Variants in ZNF385B observed in about 807,000 individuals in gnomAD.
ZNF385B encodes the protein zinc finger protein 385B.
ZNF385B carries 23 observed loss-of-function variants against 39.2 expected under a neutral mutation model. The ratio of observed to expected loss-of-function variants is 0.59; its 90% CI spans 0.42 to 0.83. The LOEUF is 0.83. Ranked by LOEUF, ZNF385B falls within the 40% of genes least tolerant of loss-of-function variation. The pLI, the probability that ZNF385B is intolerant of heterozygous loss-of-function variation, is 0.00. For synonymous variants in ZNF385B, 205 were observed against 222.6 expected (o/e 0.92, Z 0.70); for missense variants, 552 against 598.9 (o/e 0.92, Z 0.82).
chr2:179,524,608 A>C (rs2058766084), intron 4 of ZNF385B, among the ~76,000 whole-genome samples: 1 of 148,162 alleles, frequency 6.7e-6, no homozygotes. Context: ...TCAGCCATCG[A>C]GCAAATATTT....
At chr2:179,728,181 A>G (rs1480041830) in intron 3 of ZNF385B, among the ~76,000 whole-genome samples, 5 of 152,146 alleles carry the variant, frequency 3.3e-5, no homozygotes, top group African/African-American at 1.2e-4. Context: ...AATAATCTCC[A>G]TATAATCCTT....
chr2:179,751,830 T>C (rs1452005897), intron 3 of ZNF385B, among the ~76,000 whole-genome samples: 1 of 152,054 alleles, frequency 6.6e-6, no homozygotes, highest in East Asian at 1.9e-4. Context: ...AATACCCAGG[T>C]TTTATTACCC....
At chr2:179,659,786 T>G (rs1417251213) in intron 3 of ZNF385B, among the ~76,000 whole-genome samples, 1 of 152,204 alleles carries the variant, frequency 6.6e-6, no homozygotes, top group African/African-American at 2.4e-5. Flanking sequence ...TCTATTGTCT[T>G]TAACAACTAC....
At chr2:179,510,944 G>C (rs1268289627) in intron 5 of ZNF385B, among the ~76,000 whole-genome samples, 1 of 152,174 alleles carries the variant, frequency 6.6e-6, no homozygotes, top group East Asian at 1.9e-4. Context: ...CTAGGAGAAT[G>C]TTACATAATG....
intron 3 of ZNF385B, among the ~76,000 whole-genome samples, chr2:179,714,868 C>T (rs1051849583): frequency 4.4e-5 from 6 of 137,880 alleles, no homozygotes; most frequent in Admixed American, 3.3e-4. Flanking sequence ...CATTTGAGCC[C>T]GGGAGGTAGA....
chr2:179,535,918 T>G (rs984871139), intron 4 of ZNF385B, among the ~76,000 whole-genome samples: 1 of 152,318 alleles, frequency 6.6e-6, no homozygotes, highest in Admixed American at 6.5e-5. Flanking sequence ...GACTTAATTC[T>G]AAACACAAAA....
At chr2:179,449,490 T>A (rs1039868034) in intron 6 of ZNF385B, among the ~76,000 whole-genome samples, 2 of 152,042 alleles carry the variant, frequency 1.3e-5, no homozygotes, top group South Asian at 4.1e-4. Flanking sequence ...ATTAGTGAAC[T>A]CCCATTCACA....
At chr2:179,716,927 G>A (rs1039862740) in intron 3 of ZNF385B, among the ~76,000 whole-genome samples, 56 of 151,890 alleles carry the variant, frequency 3.7e-4, no homozygotes, top group African/African-American at 1.4e-3. Flanking sequence ...ACCAGCTACT[G>A]CCTACCTATA....
chr2:179,478,333 T>C (rs1401782371), intron 6 of ZNF385B, among the ~76,000 whole-genome samples: 1 of 152,248 alleles, frequency 6.6e-6, no homozygotes, highest in Non-Finnish European at 1.5e-5. Flanking sequence ...ATATGTACTA[T>C]GCTATTTAGT....
chr2:179,593,222 G>T (rs1454156417), intron 3 of ZNF385B, among the ~76,000 whole-genome samples: 1 of 151,986 alleles, frequency 6.6e-6, no homozygotes, highest in African/African-American at 2.4e-5. Flanking sequence ...TTCAGAAATT[G>T]TAAATGAAAA....
chr2:179,446,683 G>T lies in ZNF385B; in HGVS notation c.803C>A (p.Pro268His). 6.2e-7 allele frequency: 1 copy of T among 1,613,990 alleles called. No homozygotes were observed. Reference protein sequence around the residue: ...GSFLLKSGTTPLPPGAATSPS... With the variant: ...GSFLLKSGTTHLPPGAATSPS... ...AGAAGTGGCTGCTCCAGGTGGCAGG[G>T]GTGTTGTGCCAGATTTGAGGAGAAA... is the stretch of plus-strand genomic sequence containing the variant. The change falls in exon 7 of 10, where the codon CCC becomes CAC. Residue 268 changes from proline (P) to histidine (H), a missense_variant. Coordinates refer to ENST00000410066, the MANE Select transcript of ZNF385B (RefSeq NM_152520.6).
chr2:179,786,336 G>A lies in ZNF385B; in HGVS notation c.-154-15664C>T, dbSNP rs112281032. Among the ~76,000 whole-genome samples, 7 of 152,160 alleles carry A rather than the reference G, an allele frequency of 4.6e-5. 1 individual carries two copies. The highest frequency in any genetic ancestry group is 1.7e-4 in the African/African-American group (7 of 41,528). ...ATTGCTGTATTTTTAGAGTATATTT[G>A]TCTAGTTTTATAAATGTAATTATAT... On this transcript the variant is annotated intron_variant, in intron 1 of 9. Transcript: ENST00000410066.
chr2:179,513,132 G>GTTGA (rs1364691702), intron 5 of ZNF385B, among the ~76,000 whole-genome samples: 1 of 152,090 alleles, frequency 6.6e-6, no homozygotes, highest in Non-Finnish European at 1.5e-5. Flanking sequence ...GCCAATTTCA[G>GTTGA]TTTCAGGCTG....
chr2:179,808,180 A>C (rs10153777), intron 1 of ZNF385B, among the ~76,000 whole-genome samples: 46,514 of 151,404 alleles, frequency 0.31, 7,446 homozygotes, highest in Admixed American at 0.44. Context: ...CTACAGGCGC[A>C]CGCCGCCACG....
At chr2:179,501,996 T>C (rs1367760161) in intron 5 of ZNF385B, among the ~76,000 whole-genome samples, 1 of 152,192 alleles carries the variant, frequency 6.6e-6, no homozygotes, top group African/African-American at 2.4e-5. Flanking sequence ...ATACAAAACA[T>C]TATACAAAGT....
intron 3 of ZNF385B, among the ~76,000 whole-genome samples, chr2:179,643,629 T>G (rs1167970981): frequency 6.6e-6 from 1 of 152,196 alleles, no homozygotes; most frequent in African/African-American, 2.4e-5. Context: ...TAGCATACGG[T>G]ATGATTCCAT....
At chr2:179,663,666 C>T (rs188378803) in intron 3 of ZNF385B, among the ~76,000 whole-genome samples, 7,168 of 132,672 alleles carry the variant, frequency 0.054, 224 homozygotes, top group Middle Eastern at 0.089. Flanking sequence ...GCCGAGATCG[C>T]GCCGCTGCAT....
intron 1 of ZNF385B, among the ~76,000 whole-genome samples, chr2:179,825,336 G>C (rs1280643446): frequency 6.6e-6 from 1 of 151,834 alleles, no homozygotes. Context: ...GTTTTGTTTT[G>C]TTTTTCAATT....
intron 4 of ZNF385B, among the ~76,000 whole-genome samples, chr2:179,519,010 T>C (rs2058293984): frequency 1.3e-5 from 2 of 152,200 alleles, no homozygotes; most frequent in South Asian, 4.1e-4. Context: ...AGACAGGATC[T>C]TGCTCTGTTG....
Sources: gnomAD v4.1 joint callset for allele counts (sites outside exome capture counted in the v4.1 genomes callset) on GRCh38, gnomAD v4.1.1 for gene constraint, MANE v1.5 for transcripts, NCBI Gene and HGNC (gene_info 2026-07-23, HGNC 2026-07-21) for gene names.